Variants in ADCY2 observed in about 807,000 individuals in gnomAD.
The protein encoded by ADCY2 is adenylate cyclase type 2.
In ADCY2, 31 loss-of-function variants were observed where a neutral mutation model predicts 125.2. The observed-to-expected ratio is 0.25, with a 90% confidence interval of 0.19 to 0.33. The LOEUF (loss-of-function observed/expected upper bound fraction) is 0.33. ADCY2 is among the 10% of genes least tolerant of loss of function. ADCY2 has a pLI of 1.00. For synonymous variants in ADCY2, 512 were observed against 548.4 expected, an observed-to-expected ratio of 0.93 and a Z score of 0.93; for missense variants, 904 against 1,418.2, an observed-to-expected ratio of 0.64 and a Z score of 5.82.
chr5:7,625,189 T>C (rs750358956), intron 3 of ADCY2, among the ~76,000 whole-genome samples: 1 of 152,234 alleles, frequency 6.6e-6, no homozygotes. Flanking sequence ...TATTAATAAG[T>C]ATTGAACAAT....
intron 10 of ADCY2, among the ~76,000 whole-genome samples, chr5:7,711,207 A>T (rs1741429567): frequency 6.6e-6 from 1 of 152,210 alleles, no homozygotes; most frequent in Non-Finnish European, 1.5e-5. Flanking sequence ...CATCAAGAAG[A>T]GAACAATCCA....
chr5:7,607,540 CAT>C (rs1212465539), intron 3 of ADCY2, among the ~76,000 whole-genome samples: 20 of 152,220 alleles, frequency 1.3e-4, no homozygotes, highest in African/African-American at 4.6e-4. Context: ...CCTGAGGACC[CAT>C]GAGCTCTCAC....
intron 21 of ADCY2, among the ~76,000 whole-genome samples, chr5:7,803,139 T>C (rs1744650747): frequency 1.3e-5 from 2 of 152,158 alleles, no homozygotes. Context: ...ACTGTGAGGT[T>C]GATGCTAGAT....
intron 2 of ADCY2, among the ~76,000 whole-genome samples, chr5:7,468,030 T>C (rs970920307): frequency 2.0e-5 from 3 of 152,240 alleles, no homozygotes; most frequent in African/African-American, 7.2e-5. Context: ...CTTTAAATAT[T>C]ATAAAAATAT....
chr5:7,527,742 T>A (rs1734523386), intron 3 of ADCY2, among the ~76,000 whole-genome samples: 1 of 152,236 alleles, frequency 6.6e-6, no homozygotes, highest in South Asian at 2.1e-4. Context: ...ATACAGCAAA[T>A]CATCTATGCC....
At chr5:7,782,125 C>T (rs4702493) in intron 18 of ADCY2, 23,619 of 166,938 alleles carry the variant, frequency 0.14, 2,501 homozygotes, top group East Asian at 0.62. Flanking sequence ...GCTCGTGCCT[C>T]GTGATTCCTG....
intron 12 of ADCY2, among the ~76,000 whole-genome samples, chr5:7,722,471 A>G (rs1741791272): frequency 6.6e-6 from 1 of 152,182 alleles, no homozygotes; most frequent in South Asian, 2.1e-4. Flanking sequence ...CACCGTTCTG[A>G]AAGTGAGTAT....
At chr5:7,517,421 A>G (rs1224551597) in intron 2 of ADCY2, among the ~76,000 whole-genome samples, 1 of 152,210 alleles carries the variant, frequency 6.6e-6, no homozygotes, top group Non-Finnish European at 1.5e-5. Flanking sequence ...AGTTTTACAT[A>G]TGGCCCTATT....
chr5:7,447,060 G>C (rs773313940), intron 2 of ADCY2, among the ~76,000 whole-genome samples: 1 of 152,068 alleles, frequency 6.6e-6, no homozygotes, highest in East Asian at 1.9e-4. Context: ...CTTCACTTTC[G>C]GAGTGCGTCA....
chr5:7,709,061 C>A lies in ADCY2; in HGVS notation c.1402-150C>A. On this transcript the variant is annotated intron_variant, in intron 9 of 24. Coordinates refer to ENST00000338316, the MANE Select transcript of ADCY2 (RefSeq NM_020546.3). This position sits in a 1 kb window ranked among gnomAD's most constrained non-coding sequence, Gnocchi z 4.4. ...CCCTCAACTCAAATAGTGTGTTCCC[C>A]AGTAACACTGAAGGAATAAGGACAG... 1 of 661,328 alleles carries A rather than the reference C, an allele frequency of 1.5e-6. No individual in the cohort carries two copies. Among genetic ancestry groups the A allele is most frequent in the Non-Finnish European group, 2.2e-6 (1 of 447,306 alleles). 41.0% of individuals were successfully genotyped at this position (661,328 alleles called of 1,614,324 possible). A position where few individuals can be genotyped will look rare whatever the true frequency, so the allele number is the denominator to read the frequency against.
chr5:7,578,644 G>T (rs975587848), intron 3 of ADCY2, among the ~76,000 whole-genome samples: 3 of 152,132 alleles, frequency 2.0e-5, no homozygotes, highest in Non-Finnish European at 2.9e-5. Flanking sequence ...CTTATTTTAG[G>T]AGCTTACTTT....
At chr5:7,761,114 T>A (rs576594765) in intron 16 of ADCY2, among the ~76,000 whole-genome samples, 1 of 151,598 alleles carries the variant, frequency 6.6e-6, no homozygotes, top group African/African-American at 2.4e-5. Flanking sequence ...CCATTGTGTA[T>A]GTGTGTGTAT....
At chr5:7,673,269 A>AATATATATATATATAT (rs1180249627) in intron 4 of ADCY2, among the ~76,000 whole-genome samples, 619 of 3,920 alleles carry the variant, frequency 0.16, 92 homozygotes, top group Non-Finnish European at 0.21. Flanking sequence ...AAAAAAAAAA[A>AATATATATATATATAT]ATATATATAT....
intron 12 of ADCY2, among the ~76,000 whole-genome samples, chr5:7,722,025 T>C (rs969467315): frequency 6.6e-6 from 1 of 152,202 alleles, no homozygotes; most frequent in East Asian, 1.9e-4. Context: ...GAATATACAC[T>C]TCTTAATTCT....
chr5:7,743,950 G>A (rs1013509768), intron 15 of ADCY2, among the ~76,000 whole-genome samples, 198 bp downstream of exon 15: 2 of 152,088 alleles, frequency 1.3e-5, no homozygotes, highest in African/African-American at 2.4e-5. Flanking sequence ...ACCAAGACAC[G>A]AATATGAAGA....
intron 3 of ADCY2, among the ~76,000 whole-genome samples, chr5:7,531,242 A>G (rs1038219559): frequency 1.5e-4 from 23 of 152,264 alleles, no homozygotes; most frequent in African/African-American, 5.5e-4. Context: ...TGTTTCTTAG[A>G]GAAGCCCACT....
intron 2 of ADCY2, among the ~76,000 whole-genome samples, chr5:7,449,634 G>A (rs1263605389): frequency 1.3e-5 from 2 of 152,156 alleles, no homozygotes; most frequent in African/African-American, 4.8e-5. Flanking sequence ...GAAAGAAAAG[G>A]AGTTGATTTT....
chr5:7,623,211 G>T (rs1334800949), intron 3 of ADCY2, among the ~76,000 whole-genome samples: 1 of 152,198 alleles, frequency 6.6e-6, no homozygotes, highest in Non-Finnish European at 1.5e-5. Context: ...TCCCTAAAAT[G>T]TTGACGGGTT....
intron 4 of ADCY2, among the ~76,000 whole-genome samples, chr5:7,636,431 A>T (rs916488034): frequency 6.6e-6 from 1 of 152,214 alleles, no homozygotes; most frequent in African/African-American, 2.4e-5. Flanking sequence ...TGTGGGTGGG[A>T]TACCTGTGCA....
Sources: gnomAD v4.1 joint callset for allele counts (sites outside exome capture counted in the v4.1 genomes callset) on GRCh38, gnomAD v4.1.1 for gene constraint, Gnocchi (gnomAD v3.1) non-coding constraint, MANE v1.5 for transcripts, NCBI Gene and HGNC (gene_info 2026-07-23, HGNC 2026-07-21) for gene names.